PLCH1: variants seen among roughly 807,000 people sequenced by gnomAD.
PLCH1 encodes the protein 1-phosphatidylinositol 4,5-bisphosphate phosphodiesterase eta-1.
In PLCH1, 60 loss-of-function variants were observed where a neutral mutation model predicts 126.7. The ratio of observed to expected loss-of-function variants is 0.47; its 90% CI spans 0.38 to 0.59. The LOEUF is 0.59. Ranked by LOEUF, PLCH1 falls within the 20% of genes least tolerant of loss-of-function variation. The pLI is 0.00. For synonymous variants in PLCH1, 719 were observed against 734.9 expected (o/e 0.98, Z 0.35); for missense variants, 1,723 against 2,040.0 (o/e 0.84, Z 2.99).
At chr3:155,702,139 T>C (rs758399547) in intron 2 of PLCH1, among the ~76,000 whole-genome samples, 1 of 152,194 alleles carries the variant, frequency 6.6e-6, no homozygotes. Context: ...ATACAGTAAT[T>C]GTAATTCTCA....
chr3:155,541,532 G>T (rs1258594148), intron 10 of PLCH1, among the ~76,000 whole-genome samples: 1 of 152,086 alleles, frequency 6.6e-6, no homozygotes, highest in Non-Finnish European at 1.5e-5. Context: ...GAGAGAGATG[G>T]GGAATCAGGT....
chr3:155,733,930 T>TATAC (rs1577384130), intron 1 of PLCH1, among the ~76,000 whole-genome samples: 3 of 105,376 alleles, frequency 2.8e-5, no homozygotes, highest in African/African-American at 3.9e-5. Flanking sequence ...GGCCAACAGG[T>TATAC]ATACATATAT....
chr3:155,563,983 C>T (rs1265540634), intron 8 of PLCH1, among the ~76,000 whole-genome samples: 1 of 152,064 alleles, frequency 6.6e-6, no homozygotes, highest in Non-Finnish European at 1.5e-5. Context: ...GTTGCTCAGA[C>T]TGGAATGCAA....
intron 10 of PLCH1, among the ~76,000 whole-genome samples, chr3:155,533,527 CAA>C (rs1313104989): frequency 6.6e-6 from 1 of 152,200 alleles, no homozygotes; most frequent in Non-Finnish European, 1.5e-5. Flanking sequence ...GCCTGGGCAA[CAA>C]GAGTGAAACT....
At chr3:155,542,385 GCTCGAA>G (rs200336814) in intron 10 of PLCH1, among the ~76,000 whole-genome samples, 3,083 of 152,294 alleles carry the variant, frequency 0.02, 106 homozygotes, top group African/African-American at 0.071. Context: ...CAGCCTGGAA[GCTCGAA>G]CTGGGTGGAG....
intron 2 of PLCH1, among the ~76,000 whole-genome samples, chr3:155,640,304 C>T (rs1739256954): frequency 1.3e-5 from 2 of 152,178 alleles, no homozygotes; most frequent in Non-Finnish European, 2.9e-5. Context: ...CCCTGGTCAT[C>T]CTTGAATTCC....
intron 6 of PLCH1, among the ~76,000 whole-genome samples, chr3:155,575,921 CA>C (rs1172805956): frequency 6.6e-6 from 1 of 152,166 alleles, no homozygotes; most frequent in African/African-American, 2.4e-5. Flanking sequence ...GCTGGGATTA[CA>C]GGGGCAAACC....
chr3:155,646,249 C>T (rs1740039884), intron 2 of PLCH1, among the ~76,000 whole-genome samples: 2 of 152,240 alleles, frequency 1.3e-5, no homozygotes, highest in African/African-American at 2.4e-5. Context: ...ACATATGAAA[C>T]CCTCTTGGCT....
intron 2 of PLCH1, among the ~76,000 whole-genome samples, chr3:155,664,829 A>G (rs1742553841): frequency 6.6e-6 from 1 of 152,222 alleles, no homozygotes; most frequent in Non-Finnish European, 1.5e-5. Context: ...CATTTTATAA[A>G]TAAGAAAACT....
chr3:155,565,718 TG>T (rs1373734694), intron 7 of PLCH1, among the ~76,000 whole-genome samples: 1 of 149,654 alleles, frequency 6.7e-6, no homozygotes, highest in Non-Finnish European at 1.5e-5. Flanking sequence ...TTTTTTGAGA[TG>T]GAGTCTTGCT....
At chr3:155,625,700 G>T (rs559220725) in intron 2 of PLCH1, among the ~76,000 whole-genome samples, 1 of 152,296 alleles carries the variant, frequency 6.6e-6, no homozygotes, top group African/African-American at 2.4e-5. Context: ...AGTTAGAATG[G>T]CGATCATTAA....
intron 2 of PLCH1, among the ~76,000 whole-genome samples, chr3:155,690,640 T>TG (rs944467801): frequency 6.6e-6 from 1 of 152,232 alleles, no homozygotes; most frequent in African/African-American, 2.4e-5. Flanking sequence ...AGGATACTGC[T>TG]GGGGGTCTTG....
intron 12 of PLCH1, among the ~76,000 whole-genome samples, chr3:155,505,021 G>C (rs547188450): frequency 8.5e-5 from 13 of 152,156 alleles, no homozygotes; most frequent in South Asian, 2.1e-4. Context: ...TAGGGATTCA[G>C]TTTTGGAAAA....
chr3:155,693,874 A>G (rs416494), intron 2 of PLCH1, among the ~76,000 whole-genome samples: 87,081 of 151,830 alleles, frequency 0.57, 27,507 homozygotes, highest in African/African-American at 0.84. Context: ...AGGTTGCAGT[A>G]AGCCAAGATG....
chr3:155,492,768 G>A lies in PLCH1; in HGVS notation c.2268C>T (p.Leu756=). 1 of 1,607,266 alleles carries A rather than the reference G, an allele frequency of 6.2e-7. No individual in the cohort carries two copies. Among genetic ancestry groups the A allele is most frequent in the African/African-American group, 1.3e-5 (1 of 74,786 alleles). The change falls in exon 18 of 23, where the codon CTC becomes CTT. Residue 756 remains leucine (L), a synonymous_variant. Transcript: ENST00000460012. The part of the protein sequence containing the change: ...LILKVISGQQ[L]PKPPDSMFGD... The stretch of plus-strand genomic sequence containing the variant: ...CAAACATGGAGTCTGGAGGTTTGGG[G>A]AGTTGCTGTCCACTGATAACTTTCA...
intron 9 of PLCH1, among the ~76,000 whole-genome samples, chr3:155,551,684 C>CAA (rs35872401): frequency 0.017 from 1,478 of 86,948 alleles, 16 homozygotes; most frequent in South Asian, 0.025. Context: ...AGCTCTCTAC[C>CAA]AAAAAAAAAA....
chr3:155,544,803 A>T (rs13071494), intron 10 of PLCH1, among the ~76,000 whole-genome samples: 111,047 of 141,152 alleles, frequency 0.79, 44,987 homozygotes, highest in Middle Eastern at 0.93. Flanking sequence ...TACATAACGA[A>T]ATGAAGGCAG....
intron 8 of PLCH1, among the ~76,000 whole-genome samples, chr3:155,560,443 C>T (rs1185175911): frequency 1.3e-5 from 2 of 152,136 alleles, no homozygotes; most frequent in African/African-American, 4.8e-5. Context: ...GTTTAAGCTA[C>T]TCAATTGTTA....
intron 10 of PLCH1, among the ~76,000 whole-genome samples, chr3:155,534,000 G>A (rs75267456): frequency 0.06 from 9,160 of 152,266 alleles, 577 homozygotes; most frequent in African/African-American, 0.16. Flanking sequence ...GTATGCTACA[G>A]GGGTGGAGCC....
Sources: gnomAD v4.1 joint callset for allele counts (sites outside exome capture counted in the v4.1 genomes callset) on GRCh38, gnomAD v4.1.1 for gene constraint, MANE v1.5 for transcripts, NCBI Gene and HGNC (gene_info 2026-07-23, HGNC 2026-07-21) for gene names.